DPP10: variants seen among roughly 807,000 people sequenced by gnomAD.
DPP10 encodes inactive dipeptidyl peptidase 10.
DPP10 carries 33 observed loss-of-function variants against 120.9 expected under a neutral mutation model. The ratio of observed to expected loss-of-function variants is 0.27; its 90% CI spans 0.21 to 0.37. DPP10 has a LOEUF of 0.37. DPP10 is among the 10% of genes least tolerant of loss of function. The pLI, the probability that DPP10 is intolerant of heterozygous loss-of-function variation, is 1.00. For missense variants in DPP10, 816 were observed against 942.8 expected, an observed-to-expected ratio of 0.87 and a Z score of 1.76; for synonymous variants, 337 against 326.1, an observed-to-expected ratio of 1.03 and a Z score of -0.36.
chr2:115,728,420 C>T (rs1290444965), intron 8 of DPP10, among the ~76,000 whole-genome samples: 1 of 151,896 alleles, frequency 6.6e-6, no homozygotes, highest in Admixed American at 6.6e-5. Flanking sequence ...TTTTCAATAT[C>T]TATTGAATCA....
chr2:115,394,716 G>A (rs1175710332), intron 3 of DPP10, among the ~76,000 whole-genome samples: 1 of 152,170 alleles, frequency 6.6e-6, no homozygotes, highest in Non-Finnish European at 1.5e-5. Flanking sequence ...TTTTAAAAGT[G>A]TCTGTCATTT....
intron 1 of DPP10, among the ~76,000 whole-genome samples, chr2:114,926,513 C>A (rs1456545824): frequency 2.0e-5 from 3 of 152,208 alleles, no homozygotes; most frequent in Non-Finnish European, 4.4e-5. Flanking sequence ...TCCGCCAGGA[C>A]TGAGCTCATT....
intron 11 of DPP10, among the ~76,000 whole-genome samples, chr2:115,761,707 C>A (rs1680131963): frequency 6.6e-6 from 1 of 150,444 alleles, no homozygotes. Flanking sequence ...AAAAAAGTGC[C>A]CTGAAAAGAG....
intron 1 of DPP10, among the ~76,000 whole-genome samples, chr2:114,897,504 A>C (rs768327569): frequency 5.3e-5 from 8 of 152,312 alleles, no homozygotes; most frequent in South Asian, 2.1e-4. Flanking sequence ...AATGTGATCT[A>C]ATTAAACTAA....
chr2:115,075,060 G>A (rs1707676584), intron 1 of DPP10, among the ~76,000 whole-genome samples: 1 of 152,264 alleles, frequency 6.6e-6, no homozygotes, highest in Admixed American at 6.5e-5. Context: ...GTTATACGTG[G>A]GTCATGGTAT....
At chr2:114,490,590 T>C (rs1681906764) in intron 1 of DPP10, among the ~76,000 whole-genome samples, 1 of 151,532 alleles carries the variant, frequency 6.6e-6, no homozygotes, top group Non-Finnish European at 1.5e-5. Flanking sequence ...AAAGACTTTG[T>C]GGAGGAGGCA....
intron 1 of DPP10, among the ~76,000 whole-genome samples, chr2:115,238,456 C>T (rs557314728): frequency 6.6e-6 from 1 of 152,314 alleles, no homozygotes; most frequent in African/African-American, 2.4e-5. Context: ...ATTCATTGTA[C>T]AGCCCTTGAG....
intron 1 of DPP10, among the ~76,000 whole-genome samples, chr2:115,299,326 G>C (rs2061022147): frequency 6.6e-6 from 1 of 152,022 alleles, no homozygotes; most frequent in Admixed American, 6.6e-5. Flanking sequence ...ACAATTTTGA[G>C]AAATTGGAAG....
At chr2:115,817,550 G>A (rs1295526330) in intron 21 of DPP10, among the ~76,000 whole-genome samples, 1 of 152,166 alleles carries the variant, frequency 6.6e-6, no homozygotes, top group East Asian at 1.9e-4. Flanking sequence ...TGCCTTTGCA[G>A]CATTCTACAC....
intron 1 of DPP10, among the ~76,000 whole-genome samples, chr2:114,675,857 G>A (rs1266906460): frequency 6.6e-6 from 1 of 151,424 alleles, no homozygotes; most frequent in Non-Finnish European, 1.5e-5. Context: ...CTGGAGTTCA[G>A]TGGTGTGATC....
At chr2:115,246,096 T>C (rs1163077206) in intron 1 of DPP10, among the ~76,000 whole-genome samples, 1 of 152,116 alleles carries the variant, frequency 6.6e-6, no homozygotes, top group Non-Finnish European at 1.5e-5. Flanking sequence ...AATAGAGTGA[T>C]CTAATTTTTA....
chr2:115,280,956 T>C (rs1357721808), intron 1 of DPP10, among the ~76,000 whole-genome samples: 1 of 152,188 alleles, frequency 6.6e-6, no homozygotes, highest in East Asian at 1.9e-4. Flanking sequence ...ACTTAAAAAG[T>C]GAAAAGGTTA....
At chr2:115,799,045 C>T (rs573068762) in intron 19 of DPP10, among the ~76,000 whole-genome samples, 25 of 152,168 alleles carry the variant, frequency 1.6e-4, no homozygotes, top group African/African-American at 6.0e-4. Context: ...AGCCACAACT[C>T]ACCCTAAAAA....
intron 1 of DPP10, among the ~76,000 whole-genome samples, chr2:114,900,716 C>A (rs1693487901): frequency 6.6e-6 from 1 of 152,120 alleles, no homozygotes; most frequent in East Asian, 1.9e-4. Context: ...AATTTTCCAA[C>A]TTCTTCTAGT....
intron 1 of DPP10, among the ~76,000 whole-genome samples, chr2:115,285,677 C>T (rs2060335579): frequency 6.6e-6 from 1 of 151,970 alleles, no homozygotes; most frequent in Non-Finnish European, 1.5e-5. Context: ...TCTCTTTTTG[C>T]TAAGAATGGA....
intron 1 of DPP10, among the ~76,000 whole-genome samples, chr2:114,901,276 C>G (rs1189318617): frequency 1.3e-5 from 2 of 152,144 alleles, no homozygotes; most frequent in Non-Finnish European, 2.9e-5. Context: ...CTGCTCACTG[C>G]AAGCTCCACC....
chr2:115,689,628 A>G, intron 5 of DPP10, 59 bp from the exon 6 acceptor site: 5 of 1,034,772 alleles, frequency 4.8e-6, no homozygotes, highest in East Asian at 2.6e-5. Context: ...AAGAATATAT[A>G]TACATATATT....
chr2:115,451,120 G>T (rs995084008), intron 3 of DPP10, among the ~76,000 whole-genome samples: 1 of 151,732 alleles, frequency 6.6e-6, no homozygotes, highest in Admixed American at 6.6e-5. Context: ...TTACTGTGTT[G>T]CTTGTAGCAT....
At chr2:115,530,354 A>C (rs956880276) in intron 5 of DPP10, among the ~76,000 whole-genome samples, 1 of 152,112 alleles carries the variant, frequency 6.6e-6, no homozygotes, top group Non-Finnish European at 1.5e-5. Flanking sequence ...CATGTTATGT[A>C]TCATATATAT....
Sources: allele counts gnomAD v4.1 joint callset (sites outside exome capture counted in the v4.1 genomes callset), GRCh38; gene constraint gnomAD v4.1.1; transcripts MANE v1.5; gene names NCBI Gene and HGNC (gene_info 2026-07-23, HGNC 2026-07-21).